GMDS: variants seen among roughly 807,000 people sequenced by gnomAD.
GMDS encodes the protein GDP-mannose 4,6-dehydratase, also known as GDP-mannose 4,6 dehydratase.
GMDS carries 20 observed loss-of-function variants against 49.9 expected under a neutral mutation model. That is an observed-to-expected ratio of 0.40 (90% CI 0.28 to 0.58). GMDS has a LOEUF of 0.58. Among genes scored for constraint, GMDS ranks in the 20% least tolerant of loss-of-function variants. The probability of loss-of-function intolerance (pLI) is 0.42; values close to 1 mark genes in which losing one functional copy is unlikely to be tolerated. For synonymous variants in GMDS, 177 were observed against 178.6 expected, an observed-to-expected ratio of 0.99 and a Z score of 0.07; for missense variants, 362 against 481.4, an observed-to-expected ratio of 0.75 and a Z score of 2.32.
chr6:1,637,292 G>A (rs984454731), intron 9 of GMDS, among the ~76,000 whole-genome samples: 1 of 152,238 alleles, frequency 6.6e-6, no homozygotes, highest in Non-Finnish European at 1.5e-5. Flanking sequence ...CCAGGCCCAG[G>A]AGCCCCGCAG....
chr6:2,235,554 C>G (rs774178741), intron 1 of GMDS, among the ~76,000 whole-genome samples: 2 of 151,940 alleles, frequency 1.3e-5, no homozygotes, highest in African/African-American at 4.8e-5. Context: ...ACCTGCAATA[C>G]CAGCACTTGG....
intron 9 of GMDS, among the ~76,000 whole-genome samples, chr6:1,639,665 T>C (rs62390639): frequency 0.1 from 15,906 of 152,250 alleles, 1,075 homozygotes; most frequent in Non-Finnish European, 0.15. Context: ...GGCAGGTGGA[T>C]TGCTTGAGCT....
chr6:1,730,501 G>C (rs1766750400), intron 8 of GMDS, among the ~76,000 whole-genome samples: 1 of 152,196 alleles, frequency 6.6e-6, no homozygotes, highest in African/African-American at 2.4e-5. Flanking sequence ...TCTGGGGCCT[G>C]ATTCCCTCCC....
At chr6:2,140,527 G>A (rs553857960) in intron 1 of GMDS, among the ~76,000 whole-genome samples, 6 of 152,272 alleles carry the variant, frequency 3.9e-5, no homozygotes, top group East Asian at 1.9e-4. Context: ...CATGCAAAGC[G>A]ACCTTGTGAA....
intron 9 of GMDS, among the ~76,000 whole-genome samples, chr6:1,629,605 T>A (rs1762939090): frequency 6.6e-6 from 1 of 152,184 alleles, no homozygotes; most frequent in East Asian, 1.9e-4. Flanking sequence ...GGCTGCCGTG[T>A]GGCAATCAGC....
intron 7 of GMDS, among the ~76,000 whole-genome samples, chr6:1,829,264 A>C (rs1345979247): frequency 6.6e-6 from 1 of 152,214 alleles, no homozygotes; most frequent in Admixed American, 6.5e-5. Flanking sequence ...TATATTTCTA[A>C]ATGAATATAT....
chr6:1,816,414 C>G (rs191588566), intron 7 of GMDS, among the ~76,000 whole-genome samples: 1 of 152,276 alleles, frequency 6.6e-6, no homozygotes, highest in Non-Finnish European at 1.5e-5. Flanking sequence ...AATTTTGTCT[C>G]ATTCCAAAGC....
chr6:2,016,252 C>T (rs1419657251), intron 4 of GMDS, among the ~76,000 whole-genome samples: 83 of 143,334 alleles, frequency 5.8e-4, no homozygotes, highest in Non-Finnish European at 7.6e-5. Context: ...GAGCAAGGCT[C>T]GGTCTCAAAA....
intron 4 of GMDS, among the ~76,000 whole-genome samples, chr6:2,019,327 C>T (rs1315367706): frequency 1.3e-5 from 2 of 151,798 alleles, no homozygotes; most frequent in Non-Finnish European, 2.9e-5. Context: ...TAGCTCCAGC[C>T]TCCATGCAAT....
At chr6:1,815,829 C>A (rs1581214390) in intron 7 of GMDS, among the ~76,000 whole-genome samples, 1 of 152,180 alleles carries the variant, frequency 6.6e-6, no homozygotes, top group East Asian at 1.9e-4. Flanking sequence ...TGACCCTCTG[C>A]CTGTTTTACA....
chr6:2,162,290 T>C (rs1777440824), intron 1 of GMDS, among the ~76,000 whole-genome samples: 1 of 152,164 alleles, frequency 6.6e-6, no homozygotes, highest in South Asian at 2.1e-4. Flanking sequence ...AGCCACAGCG[T>C]AGGGAGGCCA....
At chr6:2,211,149 G>A (rs1335663285) in intron 1 of GMDS, among the ~76,000 whole-genome samples, 1 of 152,100 alleles carries the variant, frequency 6.6e-6, no homozygotes, top group South Asian at 2.1e-4. Flanking sequence ...GCTCTTTATA[G>A]CAGTGTGAGA....
At chr6:1,761,665 G>A (rs1554116446) in intron 7 of GMDS, among the ~76,000 whole-genome samples, 1 of 151,948 alleles carries the variant, frequency 6.6e-6, no homozygotes, top group Non-Finnish European at 1.5e-5. Context: ...TTTTGCTTGT[G>A]TCAATGAGTG....
chr6:1,643,653 G>T (rs563859397), intron 9 of GMDS, among the ~76,000 whole-genome samples: 1 of 152,016 alleles, frequency 6.6e-6, no homozygotes, highest in Non-Finnish European at 1.5e-5. Context: ...GGCCACGGTG[G>T]GGGGGACACT....
intron 1 of GMDS, among the ~76,000 whole-genome samples, chr6:2,221,082 T>A (rs1780564780): frequency 6.6e-6 from 1 of 152,158 alleles, no homozygotes; most frequent in South Asian, 2.1e-4. Flanking sequence ...AATGTACTCC[T>A]CAGGAGACTG....
rs530408004 is a variant in GMDS at position 1,944,334 on chromosome 6, G to A, written c.644-14104C>T. On this transcript the variant is annotated intron_variant, in intron 6 of 10. Transcript: ENST00000380815. Reference sequence around the variant, plus strand: ...ATCCTGGCTAACACAGTGAAACCCCGTCTCTACTAAAAATACAAAAATTAG... The same window carrying A: ...ATCCTGGCTAACACAGTGAAACCCCATCTCTACTAAAAATACAAAAATTAG... 3.3e-5 allele frequency among the ~76,000 whole-genome samples: 5 copies of A among 152,188 alleles called. No homozygotes were observed. In the East Asian group the frequency reaches 7.7e-4, roughly 24 times the overall value.
At chr6:1,739,738 C>T (rs914944461) in intron 8 of GMDS, among the ~76,000 whole-genome samples, 1 of 152,208 alleles carries the variant, frequency 6.6e-6, no homozygotes, top group African/African-American at 2.4e-5. Context: ...TGCCCTCTGC[C>T]ATGGGGAGCA....
At chr6:2,206,834 G>A (rs1779828633) in intron 1 of GMDS, among the ~76,000 whole-genome samples, 1 of 152,160 alleles carries the variant, frequency 6.6e-6, no homozygotes, top group South Asian at 2.1e-4. Context: ...TATTTGTTTA[G>A]GAACAGTACA....
At chr6:1,991,515 T>C (rs985019831) in intron 4 of GMDS, among the ~76,000 whole-genome samples, 1 of 152,212 alleles carries the variant, frequency 6.6e-6, no homozygotes, top group Non-Finnish European at 1.5e-5. Context: ...AATGATAGGC[T>C]TGACTGCCAA....
Sources: gnomAD v4.1 joint callset for allele counts (sites outside exome capture counted in the v4.1 genomes callset) on GRCh38, gnomAD v4.1.1 for gene constraint, MANE v1.5 for transcripts, NCBI Gene and HGNC (gene_info 2026-07-23, HGNC 2026-07-21) for gene names.